The following PTPRD variants were observed in gnomAD, a reference collection of about 807,000 sequenced individuals.
PTPRD encodes receptor-type tyrosine-protein phosphatase delta.
In PTPRD, 34 loss-of-function variants were observed where a neutral mutation model predicts 214.5. The ratio of observed to expected loss-of-function variants is 0.16; its 90% CI spans 0.12 to 0.21. The LOEUF (loss-of-function observed/expected upper bound fraction) is 0.21, where lower values mean the gene tolerates loss of function less well. Among genes scored for constraint, PTPRD ranks in the 10% least tolerant of loss-of-function variants. The pLI is 1.00. For missense variants in PTPRD, 2,545 were observed against 2,398.7 expected (o/e 1.06, Z -1.27); for synonymous variants, 1,128 against 845.7 (o/e 1.33, Z -5.79).
intron 5 of PTPRD, among the ~76,000 whole-genome samples, chr9:9,783,346 G>C (rs1051755365): frequency 2.6e-5 from 4 of 152,050 alleles, no homozygotes; most frequent in Admixed American, 2.6e-4. Flanking sequence ...GCTAATAATT[G>C]GACTAGGAGA....
At position 10,287,512 on chromosome 9, in the gene PTPRD, T is replaced by C. The variant is rs559871136; in HGVS notation, c.-545+53451A>G. On this transcript the variant is annotated intron_variant, in intron 3 of 45. Coordinates refer to ENST00000381196, the MANE Select transcript of PTPRD (RefSeq NM_002839.4). ...AGTGCCATGAAAAGTATCTACATAA[T>C]GATGCCGCCATTGCTACTGCATGTA... Among the ~76,000 whole-genome samples, 55 of 152,260 alleles carry C rather than the reference T, an allele frequency of 3.6e-4. 1 individual carries two copies. The highest frequency in any genetic ancestry group is 6.3e-4 in the Non-Finnish European group (43 of 68,008).
At chr9:10,223,685 T>TAATAAG (rs1490250035) in intron 3 of PTPRD, among the ~76,000 whole-genome samples, 10 of 138,078 alleles carry the variant, frequency 7.2e-5, no homozygotes, top group Non-Finnish European at 3.2e-5. Context: ...ATAATAATAA[T>TAATAAG]AATAATAATA....
Position 9,541,957 on chromosome 9 carries a change from G to C in PTPRD, c.-237+32775C>G, listed in dbSNP as rs1383105883. ...CTAGAGAAAGAAGTTAGCAGAATAA[G>C]AGTAAAGTAAACCCAGAATAAGGCA... On this transcript the variant is annotated intron_variant, in intron 8 of 45. Transcript: ENST00000381196. Among the ~76,000 whole-genome samples, 4 of 151,742 alleles carry C rather than the reference G, an allele frequency of 2.6e-5. No homozygotes were observed. The Admixed American group carries it at 2.6e-4, about 10-fold the overall frequency.
chr9:9,166,495 C>A (rs1261675829), intron 10 of PTPRD, among the ~76,000 whole-genome samples: 1 of 152,118 alleles, frequency 6.6e-6, no homozygotes, highest in Admixed American at 6.6e-5. Flanking sequence ...ATTGCATATT[C>A]CTCTCCTGTG....
chr9:10,233,782 G>A (rs905076518), intron 3 of PTPRD, among the ~76,000 whole-genome samples: 3 of 151,730 alleles, frequency 2.0e-5, no homozygotes, highest in Non-Finnish European at 2.9e-5. Context: ...ACAACATAAC[G>A]CCTGGACTAT....
chr9:10,048,738 G>A (rs559323370), intron 3 of PTPRD, among the ~76,000 whole-genome samples: 133 of 152,084 alleles, frequency 8.7e-4, no homozygotes, highest in African/African-American at 3.2e-3. Flanking sequence ...TATCAACCCA[G>A]AAAACTAACG....
intron 3 of PTPRD, 137 bp downstream of exon 3, chr9:10,340,826 G>C (rs1009765765): frequency 6.6e-6 from 1 of 151,942 alleles, no homozygotes; most frequent in Non-Finnish European, 1.5e-5. Context: ...TTAGTGCACT[G>C]ACCATATGTG....
intron 43 of PTPRD, among the ~76,000 whole-genome samples, chr9:8,334,257 T>C (rs1378117161): frequency 6.6e-6 from 1 of 152,058 alleles, no homozygotes; most frequent in African/African-American, 2.4e-5. Flanking sequence ...TTGCACTTAT[T>C]CTAACATTGA....
intron 43 of PTPRD, among the ~76,000 whole-genome samples, chr9:8,334,215 A>G (rs1334699242): frequency 6.6e-6 from 1 of 152,116 alleles, no homozygotes; most frequent in Non-Finnish European, 1.5e-5. Context: ...TCTCCACCCC[A>G]AATCAAGAGA....
chr9:10,529,846 T>C (rs139010604), intron 2 of PTPRD, among the ~76,000 whole-genome samples: 21 of 150,768 alleles, frequency 1.4e-4, no homozygotes, highest in African/African-American at 5.1e-4. Flanking sequence ...TAAGTGGGAG[T>C]TGGACAATGA....
intron 3 of PTPRD, among the ~76,000 whole-genome samples, chr9:10,225,781 T>G (rs1254588651): frequency 6.6e-6 from 1 of 152,068 alleles, no homozygotes; most frequent in Non-Finnish European, 1.5e-5. Flanking sequence ...TGCTATTTCC[T>G]TTTGAAGAAC....
In PTPRD at chr9:8,507,346, A is replaced by T; in HGVS notation, c.1632T>A (p.Ile544=). ...CTTTGTAGACCAGTTCATAGTTGGC[A>T]ATGGTATCTGAACGTGGAGGTGTCC... ...LSWTPPRSDT[I]ANYELVYKDG... Residue 544 remains isoleucine, a synonymous_variant, in exon 22 of 46, where the codon ATT becomes ATA. Transcript: ENST00000381196. 6.2e-7 allele frequency: 1 copy of T among 1,613,988 alleles called. No homozygotes were observed. The highest frequency in any genetic ancestry group is 8.5e-7 in the Non-Finnish European group (1 of 1,179,870).
intron 10 of PTPRD, among the ~76,000 whole-genome samples, chr9:9,135,769 A>G (rs1342943386): frequency 6.6e-6 from 1 of 152,156 alleles, no homozygotes; most frequent in Middle Eastern, 3.2e-3. Context: ...ATTTTGTTAC[A>G]TACTTTTTAA....
chr9:10,366,380 G>C (rs980936813), intron 2 of PTPRD, among the ~76,000 whole-genome samples: 10 of 152,192 alleles, frequency 6.6e-5, no homozygotes, highest in Non-Finnish European at 1.5e-4. Flanking sequence ...TCTAGATGGT[G>C]ATGCTGCTCT....
chr9:8,430,422 C>G (rs1166976164), intron 35 of PTPRD, among the ~76,000 whole-genome samples: 1 of 148,886 alleles, frequency 6.7e-6, no homozygotes, highest in African/African-American at 2.5e-5. Context: ...AGGTGCATGC[C>G]ACCACGACAG....
At chr9:9,544,360 A>C (rs564635978) in intron 8 of PTPRD, among the ~76,000 whole-genome samples, 1 of 151,818 alleles carries the variant, frequency 6.6e-6, no homozygotes, top group East Asian at 1.9e-4. Context: ...GAAGGTTCCC[A>C]AAATAATTAC....
intron 7 of PTPRD, among the ~76,000 whole-genome samples, chr9:9,633,352 A>G (rs2095654046): frequency 6.6e-6 from 1 of 152,056 alleles, no homozygotes; most frequent in Non-Finnish European, 1.5e-5. Flanking sequence ...AGGGAAATTC[A>G]AGATAACACT....
At chr9:9,731,005 A>G (rs1025346458) in intron 7 of PTPRD, among the ~76,000 whole-genome samples, 1 of 152,188 alleles carries the variant, frequency 6.6e-6, no homozygotes, top group Non-Finnish European at 1.5e-5. Flanking sequence ...ACAAATTGCC[A>G]GAACTACACA....
intron 5 of PTPRD, among the ~76,000 whole-genome samples, chr9:9,831,955 C>G (rs1022895520): frequency 6.6e-6 from 1 of 151,946 alleles, no homozygotes; most frequent in East Asian, 1.9e-4. Flanking sequence ...CATTAAGTGG[C>G]ATTTCAATGT....
Sources: allele counts gnomAD v4.1 joint callset (sites outside exome capture counted in the v4.1 genomes callset), GRCh38; gene constraint gnomAD v4.1.1; transcripts MANE v1.5; gene names NCBI Gene and HGNC (gene_info 2026-07-23, HGNC 2026-07-21).